ANO3: variants seen among roughly 807,000 people sequenced by gnomAD.
ANO3 encodes the protein anoctamin-3.
ANO3 carries 99 observed loss-of-function variants against 144.8 expected under a neutral mutation model. The observed-to-expected ratio is 0.68, with a 90% confidence interval of 0.58 to 0.81. The LOEUF (loss-of-function observed/expected upper bound fraction) is 0.81. Ranked by LOEUF, ANO3 falls within the 30% of genes least tolerant of loss-of-function variation. The pLI is 0.00. For synonymous variants in ANO3, 414 were observed against 392.6 expected, an observed-to-expected ratio of 1.05 and a Z score of -0.64; for missense variants, 905 against 1,202.2, an observed-to-expected ratio of 0.75 and a Z score of 3.66.
upstream of ANO3, among the ~76,000 whole-genome samples, chr11:26,330,176 C>T (rs186140616): frequency 2.0e-5 from 3 of 152,072 alleles, no homozygotes; most frequent in East Asian, 1.9e-4. Context: ...CTAATCCTCA[C>T]GTAGGAGAAT....
At chr11:26,259,453 T>C (rs1285593987) in intron 1 of ANO3, among the ~76,000 whole-genome samples, 1 of 151,814 alleles carries the variant, frequency 6.6e-6, no homozygotes, top group African/African-American at 2.4e-5. Flanking sequence ...ATTGAGACCA[T>C]CCTGGCCAAC....
chr11:26,497,398 A>T (rs1602935), intron 4 of ANO3, among the ~76,000 whole-genome samples: 1 of 151,808 alleles, frequency 6.6e-6, no homozygotes, highest in Non-Finnish European at 1.5e-5. Context: ...TTGCTAGGTC[A>T]ATTAGTTCTT....
chr11:26,630,575 T>A (rs1441795721), intron 18 of ANO3, among the ~76,000 whole-genome samples: 3 of 152,206 alleles, frequency 2.0e-5, no homozygotes, highest in Non-Finnish European at 4.4e-5. Flanking sequence ...AAAAAACAGT[T>A]TATAAGGCAT....
At chr11:26,234,830 G>GAGTCTGAGTTCCAC (rs147625188) in intron 1 of ANO3, among the ~76,000 whole-genome samples, 2,301 of 106,162 alleles carry the variant, frequency 0.022, 49 homozygotes, top group East Asian at 0.15. Context: ...CATGCTTATG[G>GAGTCTGAGTTCCAC]AGTCTGCCTT....
chr11:26,322,199 A>T (rs537399623), intron 1 of ANO3, among the ~76,000 whole-genome samples: 4 of 152,160 alleles, frequency 2.6e-5, no homozygotes, highest in African/African-American at 9.6e-5. Context: ...ATAATTGAAG[A>T]CCTGATTTTT....
intron 7 of ANO3, among the ~76,000 whole-genome samples, chr11:26,526,953 T>G (rs989237240): frequency 1.3e-5 from 2 of 152,150 alleles, no homozygotes; most frequent in African/African-American, 4.8e-5. Flanking sequence ...TTTTCTTGTC[T>G]TTGCTCTGCA....
chr11:26,380,618 C>CCAAA (rs1856563775), intron 1 of ANO3, among the ~76,000 whole-genome samples: 1 of 152,162 alleles, frequency 6.6e-6, no homozygotes, highest in East Asian at 1.9e-4. Context: ...GGCCCTACAT[C>CCAAA]TTAATACCAT....
At chr11:26,386,607 G>A (rs188928307) in intron 1 of ANO3, among the ~76,000 whole-genome samples, 1 of 152,286 alleles carries the variant, frequency 6.6e-6, no homozygotes, top group Admixed American at 6.5e-5. Flanking sequence ...CCAACGTACT[G>A]AGAAGAATAC....
chr11:26,251,561 G>T (rs1852927381), intron 1 of ANO3, among the ~76,000 whole-genome samples: 1 of 152,120 alleles, frequency 6.6e-6, no homozygotes, highest in African/African-American at 2.4e-5. Context: ...AACATTTAAA[G>T]TAAAAGGCAG....
intron 1 of ANO3, among the ~76,000 whole-genome samples, chr11:26,241,085 G>T (rs1479335082): frequency 6.6e-6 from 1 of 152,144 alleles, no homozygotes; most frequent in Non-Finnish European, 1.5e-5. Flanking sequence ...TAAGTCTCAT[G>T]AGATCTCATG....
intron 1 of ANO3, among the ~76,000 whole-genome samples, chr11:26,241,125 GCTCT>G (rs372997299): frequency 1.3e-5 from 2 of 151,620 alleles, no homozygotes; most frequent in African/African-American, 4.8e-5. Flanking sequence ...CCCTGCACAA[GCTCT>G]CTCTCTCTCT....
rs777864458 is a variant in ANO3 at position 26,559,757 on chromosome 11, T to G, written c.1425T>G (p.Phe475Leu). 1.2e-6 allele frequency: 2 copies of G among 1,612,218 alleles called. No homozygotes were observed. The highest frequency in any genetic ancestry group is 1.7e-6 in the Non-Finnish European group (2 of 1,178,806). The stretch of plus-strand genomic sequence containing the variant: ...TCGATAATGGAGGGACAGTCTTCTT[T>G]GCTATTTTTATGGCAATATGGGGTA... ...YLFDNGGTVF[F>L]AIFMAIWATV... Residue 475 changes from phenylalanine to leucine, a missense_variant, in exon 14 of 27, where the codon TTT becomes TTG. This residue lies in a region of ANO3 where 597 missense variants were observed against 865.1 expected (regional missense o/e 0.69). Transcript: ENST00000256737.
chr11:26,229,347 T>C (rs1852337990), intron 1 of ANO3, among the ~76,000 whole-genome samples: 1 of 152,228 alleles, frequency 6.6e-6, no homozygotes. Context: ...TGCGTAGATC[T>C]GCCATTTACT....
chr11:26,358,696 T>A (rs912972866), intron 1 of ANO3, among the ~76,000 whole-genome samples: 1 of 152,190 alleles, frequency 6.6e-6, no homozygotes, highest in Non-Finnish European at 1.5e-5. Context: ...AGTTTTTTAA[T>A]ATCCCCCTTC....
At chr11:26,355,388 A>C (rs987993403) in intron 1 of ANO3, among the ~76,000 whole-genome samples, 2 of 152,092 alleles carry the variant, frequency 1.3e-5, no homozygotes, top group Admixed American at 1.3e-4. Context: ...TTCCAGCAGA[A>C]AAATTTATGT....
chr11:26,505,992 CAAAAAAAAAAAAA>C, intron 4 of ANO3, among the ~76,000 whole-genome samples: 1 of 78,408 alleles, frequency 1.3e-5, no homozygotes, highest in South Asian at 5.5e-4. Context: ...GACTCTGTCT[CAAAAAAAAAAAAA>C]AAAAAAAAAA....
chr11:26,484,119 A>T (rs942091346), intron 4 of ANO3, among the ~76,000 whole-genome samples: 2 of 152,198 alleles, frequency 1.3e-5, no homozygotes, highest in Non-Finnish European at 2.9e-5. Flanking sequence ...CTAGTAGGCT[A>T]TCCTTATGAG....
chr11:26,632,008 C>T (rs1021251784), intron 18 of ANO3, among the ~76,000 whole-genome samples: 5 of 151,856 alleles, frequency 3.3e-5, no homozygotes, highest in African/African-American at 1.2e-4. Context: ...GGTGAAACCC[C>T]GTCTCTACTA....
chr11:26,596,001 G>T (rs1401087554), intron 14 of ANO3, among the ~76,000 whole-genome samples: 1 of 152,096 alleles, frequency 6.6e-6, no homozygotes, highest in African/African-American at 2.4e-5. Flanking sequence ...GAAGGCTATG[G>T]GTTGTCAGTG....
Sources: gnomAD v4.1 joint callset for allele counts (sites outside exome capture counted in the v4.1 genomes callset) on GRCh38, gnomAD v4.1.1 for gene constraint, gnomAD v4.1.1 regional missense constraint, MANE v1.5 for transcripts, NCBI Gene and HGNC (gene_info 2026-07-23, HGNC 2026-07-21) for gene names.